Variants in GPBP1 observed in about 807,000 individuals in gnomAD.
GPBP1 encodes the protein GC-rich promoter binding protein 1.
A neutral mutation model predicts 56.5 loss-of-function variants in GPBP1; 13 were observed. The ratio of observed to expected loss-of-function variants is 0.23; its 90% CI spans 0.15 to 0.37. GPBP1 has a LOEUF of 0.37. Among genes scored for constraint, GPBP1 ranks in the 10% least tolerant of loss-of-function variants. The pLI, the probability that GPBP1 is intolerant of heterozygous loss-of-function variation, is 1.00. For synonymous variants in GPBP1, 204 were observed against 188.9 expected, an observed-to-expected ratio of 1.08 and a Z score of -0.66; for missense variants, 477 against 572.3, an observed-to-expected ratio of 0.83 and a Z score of 1.70.
intron 3 of GPBP1, among the ~76,000 whole-genome samples, chr5:57,228,238 C>T (rs1399425406): frequency 1.3e-5 from 2 of 152,100 alleles, no homozygotes; most frequent in African/African-American, 4.8e-5. Context: ...GGGCAGATCA[C>T]AAGGTCAGGA....
At chr5:57,260,908 A>G (rs1242844732) in intron 10 of GPBP1, among the ~76,000 whole-genome samples, 3 of 152,222 alleles carry the variant, frequency 2.0e-5, no homozygotes, top group Non-Finnish European at 4.4e-5. Context: ...TTTGCTTCAC[A>G]TCTGTTAAAA....
chr5:57,237,493 AG>A (rs1740578870), intron 6 of GPBP1: 1 of 259,250 alleles, frequency 3.9e-6, no homozygotes, highest in South Asian at 6.9e-5. Context: ...AAGGATTTTG[AG>A]TACTAGTTGA....
intron 5 of GPBP1, among the ~76,000 whole-genome samples, chr5:57,232,098 A>G (rs1158406435): frequency 1.3e-5 from 2 of 152,114 alleles, no homozygotes; most frequent in East Asian, 1.9e-4. Context: ...TGCATCTTCA[A>G]ACTTCTGGGC....
intron 10 of GPBP1, among the ~76,000 whole-genome samples, chr5:57,255,296 G>A (rs931316292): frequency 2.0e-5 from 3 of 151,290 alleles, no homozygotes; most frequent in South Asian, 4.2e-4. Flanking sequence ...GCTGTTATCA[G>A]CATCCTTGTA....
intron 6 of GPBP1, among the ~76,000 whole-genome samples, chr5:57,242,003 A>G (rs1456023765): frequency 2.0e-5 from 3 of 152,222 alleles, no homozygotes; most frequent in African/African-American, 7.2e-5. Flanking sequence ...CTTGCCTTTT[A>G]GTCCCACATC....
chr5:57,237,214 T>A (rs983838524), intron 6 of GPBP1: 7 of 1,285,586 alleles, frequency 5.4e-6, no homozygotes, highest in Middle Eastern at 1.8e-4. Flanking sequence ...AACAACTGAT[T>A]GCATAAGAAT....
At chr5:57,236,080 T>C (rs755370986) in intron 6 of GPBP1, 48 bp downstream of exon 6, 1 of 1,209,940 alleles carries the variant, frequency 8.3e-7, no homozygotes, top group East Asian at 2.3e-5. Flanking sequence ...TGTTGATATT[T>C]ATAGGTTTCA....
chr5:57,215,215 A>T (rs1248447573), intron 3 of GPBP1, among the ~76,000 whole-genome samples: 2 of 152,234 alleles, frequency 1.3e-5, no homozygotes, highest in African/African-American at 4.8e-5. Context: ...TAATTTGTTC[A>T]TAATTCCATG....
Position 57,207,730 on chromosome 5 carries a change from G to A in GPBP1, c.-57-6344G>A, listed in dbSNP as rs182416351. Among the ~76,000 whole-genome samples, 499 of 152,296 alleles carry A rather than the reference G, an allele frequency of 3.3e-3. 3 individuals are homozygous for A. The highest frequency in any genetic ancestry group is 0.011 in the African/African-American group (462 of 41,574). ...AGCAGATGGATGGGAAGCCAGGAGGGAGATGGAGTGGGAGGGTGTTTTCCC... is the reference window on the plus strand; with the variant it reads ...AGCAGATGGATGGGAAGCCAGGAGGAAGATGGAGTGGGAGGGTGTTTTCCC... On this transcript the variant is annotated intron_variant, in intron 2 of 11. Transcript: ENST00000506184.
intron 6 of GPBP1, among the ~76,000 whole-genome samples, chr5:57,238,386 C>G (rs1740636938): frequency 6.6e-6 from 1 of 152,084 alleles, no homozygotes; most frequent in Non-Finnish European, 1.5e-5. Flanking sequence ...TGGAGAAACC[C>G]CATCTCTACT....
intron 2 of GPBP1, among the ~76,000 whole-genome samples, chr5:57,196,008 T>TAAAA (rs1561330293): frequency 2.4e-3 from 130 of 53,860 alleles, no homozygotes; most frequent in African/African-American, 4.9e-3. Flanking sequence ...AAAAAAAAAT[T>TAAAA]TTTTTTTTTT....
chr5:57,240,959 A>T (rs760694774), intron 6 of GPBP1, among the ~76,000 whole-genome samples: 4 of 104,798 alleles, frequency 3.8e-5, no homozygotes, highest in African/African-American at 5.8e-5. Flanking sequence ...TCTCCCATTT[A>T]AAAAAAAAAA....
At chr5:57,247,923 G>A (rs752652995) in intron 8 of GPBP1, among the ~76,000 whole-genome samples, 2 of 151,902 alleles carry the variant, frequency 1.3e-5, no homozygotes, top group Non-Finnish European at 2.9e-5. Flanking sequence ...TTTACTTTTT[G>A]TAGAGACGAG....
intron 5 of GPBP1, among the ~76,000 whole-genome samples, chr5:57,233,562 G>A (rs1756546191): frequency 6.6e-6 from 1 of 152,112 alleles, no homozygotes; most frequent in Non-Finnish European, 1.5e-5. Flanking sequence ...TTTTGTATGT[G>A]TATTGTATAC....
Position 57,250,965 on chromosome 5 carries a change from A to T in GPBP1, c.984A>T (p.Ser328=). ...TCTCTAAAAATCAGGATGACGACTC[A>T]TTTAATTTACATAACAGCAATAGTA... is the stretch of plus-strand genomic sequence containing the variant. ...SRAGSEKDDD[S]FNLHNSNSTH... Residue 328 remains serine (S), a synonymous_variant, in exon 10 of 12, where the codon TCA becomes TCT. Transcript: ENST00000506184. 6.3e-7 allele frequency: 1 copy of T among 1,575,818 alleles called. No homozygotes were observed. Among genetic ancestry groups the T allele is most frequent in the Middle Eastern group, 1.7e-4 (1 of 5,798 alleles).
At chr5:57,205,648 GT>G (rs1168514625) in intron 2 of GPBP1, among the ~76,000 whole-genome samples, 1 of 150,562 alleles carries the variant, frequency 6.6e-6, no homozygotes, top group Non-Finnish European at 1.5e-5. Flanking sequence ...TTTCATTGTG[GT>G]TTTGATTTGC....
chr5:57,223,142 T>A (rs1756024807), intron 3 of GPBP1, among the ~76,000 whole-genome samples: 1 of 152,098 alleles, frequency 6.6e-6, no homozygotes, highest in South Asian at 2.1e-4. Context: ...ATGTCCTTAA[T>A]TTTTTTTCCC....
rs201478569 is a variant in GPBP1, at chr5:57,246,745, TA to T, written c.663+263del. Among the ~76,000 whole-genome samples the T allele has an allele frequency of 7.5e-3, 1,141 of 152,314 alleles. 64 individuals are homozygous for T. The highest frequency in any genetic ancestry group is 0.071 in the Admixed American group (1,079 of 15,292). ...TAGATGTAGTTGTGATATATTTGCT[TA>T]ATGATAATATATAATGCTGTTTTAC... On this transcript the variant is annotated intron_variant, in intron 7 of 11. Coordinates refer to ENST00000506184, the MANE Select transcript of GPBP1 (RefSeq NM_022913.4).
chr5:57,218,072 A>C (rs1755776395), intron 3 of GPBP1, among the ~76,000 whole-genome samples: 1 of 152,176 alleles, frequency 6.6e-6, no homozygotes, highest in African/African-American at 2.4e-5. Flanking sequence ...AAGAAAAAAA[A>C]ACAAAAAAAC....
Sources: allele counts gnomAD v4.1 joint callset (sites outside exome capture counted in the v4.1 genomes callset), GRCh38; gene constraint gnomAD v4.1.1; transcripts MANE v1.5; gene names NCBI Gene and HGNC (gene_info 2026-07-23, HGNC 2026-07-21).